GRM8: variants seen among roughly 807,000 people sequenced by gnomAD.
GRM8 encodes glutamate metabotropic receptor 8, also known as metabotropic glutamate receptor 8.
A neutral mutation model predicts 87.2 loss-of-function variants in GRM8; 47 were observed. That is an observed-to-expected ratio of 0.54 (90% CI 0.43 to 0.69). The LOEUF is 0.69. Ranked by LOEUF, GRM8 falls within the 30% of genes least tolerant of loss-of-function variation. GRM8 has a pLI of 0.00. For synonymous variants in GRM8, 396 were observed against 404.5 expected, an observed-to-expected ratio of 0.98 and a Z score of 0.25; for missense variants, 1,019 against 1,139.2, an observed-to-expected ratio of 0.89 and a Z score of 1.52.
At chr7:126,641,524 A>G (rs1458870872) in intron 7 of GRM8, among the ~76,000 whole-genome samples, 3 of 152,198 alleles carry the variant, frequency 2.0e-5, no homozygotes, top group Non-Finnish European at 4.4e-5. Context: ...GAGCAAGATC[A>G]TTTCTGCTGA....
intron 3 of GRM8, among the ~76,000 whole-genome samples, chr7:127,031,495 A>T (rs1485854330): frequency 2.0e-5 from 3 of 151,898 alleles, no homozygotes; most frequent in Non-Finnish European, 2.9e-5. Flanking sequence ...CTGCAAATCC[A>T]CCTAAATCCA....
chr7:126,487,007 A>G (rs1382714211), intron 9 of GRM8, among the ~76,000 whole-genome samples: 1 of 152,120 alleles, frequency 6.6e-6, no homozygotes. Context: ...TATCAGAGGT[A>G]CTACAGACTA....
chr7:126,732,228 C>T (rs1813684598), intron 7 of GRM8, among the ~76,000 whole-genome samples: 1 of 151,944 alleles, frequency 6.6e-6, no homozygotes, highest in Admixed American at 6.6e-5. Flanking sequence ...TGAAAAACTA[C>T]AGGCAGATTA....
intron 7 of GRM8, among the ~76,000 whole-genome samples, chr7:126,729,373 A>T (rs1813354834): frequency 6.6e-6 from 1 of 152,120 alleles, no homozygotes; most frequent in Admixed American, 6.5e-5. Context: ...TGGCCTTCAC[A>T]CTATGGTGAG....
At chr7:126,921,907 C>A (rs1804570909) in intron 3 of GRM8, among the ~76,000 whole-genome samples, 2 of 151,878 alleles carry the variant, frequency 1.3e-5, no homozygotes, top group South Asian at 4.2e-4. Flanking sequence ...GAATTCACCA[C>A]AGGAGAAGGA....
rs531427965 is a variant in GRM8 at position 126,786,157 on chromosome 7, G to A, written c.1157-16092C>T. Among the ~76,000 whole-genome samples, 7 of 152,244 alleles carry A rather than the reference G, an allele frequency of 4.6e-5. No individual in the cohort carries two copies. In the South Asian group the frequency reaches 1.4e-3, roughly 32 times the overall value. On this transcript the variant is annotated intron_variant, in intron 6 of 10. Coordinates refer to ENST00000339582, the MANE Select transcript of GRM8 (RefSeq NM_000845.3). ...GAATAATGACCTCCTACTTCAAAGT[G>A]TTGTAAGGAATCAATCAAATAAAAA...
intron 2 of GRM8, among the ~76,000 whole-genome samples, chr7:127,177,725 G>A (rs1794198623): frequency 6.6e-6 from 1 of 152,122 alleles, no homozygotes; most frequent in Admixed American, 6.6e-5. Flanking sequence ...AGTCTCACGG[G>A]GTGGCTAGAC....
intron 7 of GRM8, among the ~76,000 whole-genome samples, chr7:126,730,668 G>A (rs935453294): frequency 6.6e-6 from 1 of 152,020 alleles, no homozygotes; most frequent in Non-Finnish European, 1.5e-5. Flanking sequence ...AAAGAGAGAA[G>A]GGAACGTGAA....
At chr7:126,680,550 T>C (rs1016677643) in intron 7 of GRM8, among the ~76,000 whole-genome samples, 2 of 152,248 alleles carry the variant, frequency 1.3e-5, no homozygotes, top group African/African-American at 4.8e-5. Flanking sequence ...TCTTTCTTAT[T>C]GTTAGGTCTT....
intron 2 of GRM8, among the ~76,000 whole-genome samples, chr7:127,212,407 G>GTTGTTTTTT (rs1563581982): frequency 8.4e-6 from 1 of 118,420 alleles, no homozygotes; most frequent in African/African-American, 3.7e-5. Context: ...AGGACATGGT[G>GTTGTTTTTT]TTATTTTTTT....
At chr7:127,058,060 C>A (rs760505862) in intron 3 of GRM8, 38 of 433,354 alleles carry the variant, frequency 8.8e-5, no homozygotes, top group Admixed American at 4.3e-4. Flanking sequence ...AGTTTAAAAA[C>A]CCTTCTGGAA....
At chr7:126,550,999 A>G (rs1792526806) in intron 8 of GRM8, among the ~76,000 whole-genome samples, 1 of 151,680 alleles carries the variant, frequency 6.6e-6, no homozygotes, top group African/African-American at 2.4e-5. Context: ...AATACAAAAA[A>G]GGAAAATAAT....
intron 6 of GRM8, among the ~76,000 whole-genome samples, chr7:126,886,511 A>G (rs1283568027): frequency 1.3e-5 from 2 of 152,164 alleles, no homozygotes; most frequent in Admixed American, 6.6e-5. Flanking sequence ...AGTGATGTCA[A>G]CAGTGATGCC....
intron 6 of GRM8, among the ~76,000 whole-genome samples, chr7:126,838,214 T>C (rs904801364): frequency 1.3e-5 from 2 of 152,102 alleles, no homozygotes; most frequent in Non-Finnish European, 2.9e-5. Flanking sequence ...AATAGTTACA[T>C]GACAAATAAC....
chr7:127,025,059 A>G (rs1396694348), intron 3 of GRM8, among the ~76,000 whole-genome samples: 1 of 152,040 alleles, frequency 6.6e-6, no homozygotes, highest in East Asian at 1.9e-4. Context: ...CCTTCCTGAG[A>G]GGAATCAGCT....
intron 2 of GRM8, among the ~76,000 whole-genome samples, chr7:127,211,550 A>C (rs780193654): frequency 1.2e-4 from 18 of 152,196 alleles, no homozygotes; most frequent in Non-Finnish European, 2.4e-4. Flanking sequence ...AATACTTTAC[A>C]TCCTTCAATC....
At chr7:127,071,986 T>TGA (rs1386672633) in intron 3 of GRM8, among the ~76,000 whole-genome samples, 1 of 152,082 alleles carries the variant, frequency 6.6e-6, no homozygotes, top group African/African-American at 2.4e-5. Context: ...AATTACCCCC[T>TGA]GAACTCCAGT....
chr7:126,806,685 C>A (rs982613504), intron 6 of GRM8, among the ~76,000 whole-genome samples: 3 of 152,262 alleles, frequency 2.0e-5, no homozygotes, highest in African/African-American at 7.2e-5. Context: ...GCCGGCTTCA[C>A]CTGTCACTGG....
At chr7:127,086,468 T>C (rs556101558) in intron 3 of GRM8, among the ~76,000 whole-genome samples, 1 of 152,298 alleles carries the variant, frequency 6.6e-6, no homozygotes, top group Admixed American at 6.5e-5. Flanking sequence ...CAGTCATCAA[T>C]GAAAGTCTTT....
Sources: allele counts gnomAD v4.1 joint callset (sites outside exome capture counted in the v4.1 genomes callset), GRCh38; gene constraint gnomAD v4.1.1; transcripts MANE v1.5; gene names NCBI Gene and HGNC (gene_info 2026-07-23, HGNC 2026-07-21).